RGS20: variants seen among roughly 807,000 people sequenced by gnomAD.
The protein encoded by RGS20 is gz-selective GTPase-activating protein.
Under a neutral mutation model 33.6 loss-of-function variants are expected in RGS20, and 30 were observed. The observed-to-expected ratio is 0.89, with a 90% CI of 0.67 to 1.21. The LOEUF (loss-of-function observed/expected upper bound fraction) is 1.21. RGS20 is among the 50% of genes most tolerant of loss of function. RGS20 has a pLI of 0.00. For missense variants in RGS20, 472 were observed against 502.4 expected, an observed-to-expected ratio of 0.94 and a Z score of 0.58; for synonymous variants, 208 against 197.9, an observed-to-expected ratio of 1.05 and a Z score of -0.43.
intron 2 of RGS20, among the ~76,000 whole-genome samples, chr8:53,886,353 T>A (rs1394258637): frequency 6.6e-6 from 1 of 152,222 alleles, no homozygotes; most frequent in African/African-American, 2.4e-5. Context: ...TATAAATTCA[T>A]GGAGTAGATT....
intron 2 of RGS20, among the ~76,000 whole-genome samples, chr8:53,907,663 C>T (rs921064168): frequency 1.9e-4 from 29 of 151,912 alleles, no homozygotes; most frequent in African/African-American, 6.0e-4. Context: ...TGAGGAGTGG[C>T]GGGGCAGGTA....
At chr8:53,946,237 G>C (rs986827317) in intron 3 of RGS20, among the ~76,000 whole-genome samples, 4 of 151,774 alleles carry the variant, frequency 2.6e-5, no homozygotes, top group Admixed American at 6.6e-5. Flanking sequence ...TTTAATTTTT[G>C]TATTAAATAG....
chr8:53,947,550 A>T (rs1449985425), intron 4 of RGS20, among the ~76,000 whole-genome samples: 1 of 135,208 alleles, frequency 7.4e-6, no homozygotes, highest in African/African-American at 2.6e-5. Context: ...ATATACATTT[A>T]TATATGCTAT....
At position 53,879,477 on chromosome 8, in the gene RGS20, C is replaced by A. The variant is rs1429370031; in HGVS notation, c.385C>A (p.Leu129Ile). The A allele has an allele frequency of 1.9e-6, 3 of 1,580,170 alleles. No individual in the cohort carries two copies. Among genetic ancestry groups the A allele is most frequent in the Admixed American group, 1.8e-5 (1 of 54,618 alleles). The stretch of plus-strand genomic sequence containing the variant: ...CGAGGAGCTGCCGGGCCGCCTCTCG[C>A]TCCTGCTCGGGGCGGCGCTGGCACT... The change falls in exon 2 of 6, where the codon CTC (leucine) becomes ATC (isoleucine). Residue 129 changes from leucine (L) to isoleucine (I), a missense_variant. Transcript: ENST00000297313.
intron 4 of RGS20, among the ~76,000 whole-genome samples, chr8:53,948,214 A>G (rs1176341139): frequency 2.2e-5 from 3 of 137,858 alleles, no homozygotes; most frequent in East Asian, 4.2e-4. Flanking sequence ...TATATATAAG[A>G]TAGTATATAT....
chr8:53,944,819 CAT>C (rs1464970700), intron 3 of RGS20, among the ~76,000 whole-genome samples: 1 of 152,168 alleles, frequency 6.6e-6, no homozygotes, highest in Non-Finnish European at 1.5e-5. Context: ...TCTGAACACA[CAT>C]CTCTCCAAAG....
At chr8:53,909,776 C>T (rs1813304531) in intron 2 of RGS20, among the ~76,000 whole-genome samples, 1 of 152,078 alleles carries the variant, frequency 6.6e-6, no homozygotes, top group Non-Finnish European at 1.5e-5. Flanking sequence ...TAATGATGAA[C>T]CATTTCTGAG....
chr8:53,865,996 C>T (rs1415781924), intron 1 of RGS20, among the ~76,000 whole-genome samples: 1 of 152,122 alleles, frequency 6.6e-6, no homozygotes, highest in Admixed American at 6.5e-5. Flanking sequence ...CAGACTATCA[C>T]AATACAGAGC....
chr8:53,935,999 A>G (rs1814119557), intron 2 of RGS20, among the ~76,000 whole-genome samples: 1 of 152,238 alleles, frequency 6.6e-6, no homozygotes, highest in Non-Finnish European at 1.5e-5. Context: ...GACGAAAACC[A>G]CATGATTATC....
chr8:53,867,153 C>G (rs1811939255), intron 1 of RGS20, among the ~76,000 whole-genome samples: 1 of 152,084 alleles, frequency 6.6e-6, no homozygotes, highest in Non-Finnish European at 1.5e-5. Context: ...CAACTGTCTC[C>G]CTTCATTTCA....
chr8:53,855,267 G>A (rs923128304), intron 1 of RGS20, among the ~76,000 whole-genome samples: 3 of 152,116 alleles, frequency 2.0e-5, no homozygotes, highest in Non-Finnish European at 2.9e-5. Flanking sequence ...GTTTCACCAT[G>A]TTGGTCAGGC....
chr8:53,874,880 G>A (rs1425757989), intron 1 of RGS20, among the ~76,000 whole-genome samples: 1 of 152,112 alleles, frequency 6.6e-6, no homozygotes, highest in Admixed American at 6.6e-5. Flanking sequence ...CATATTCCAA[G>A]GTACTAGGGA....
At position 53,889,723 on chromosome 8, in the gene RGS20, CTGTGTGTGTGTGTG is replaced by C. The variant is rs66766851; in HGVS notation, c.510+10142_510+10155del. Reference sequence around the variant, plus strand: ...TGGATACAAGCCATCTGTCAAAATTCTGTGTGTGTGTGTGTGTGTGTGTGTGTGTGTGTGCACGT... The same window carrying C: ...TGGATACAAGCCATCTGTCAAAATTCTGTGTGTGTGTGTGTGTGTGCACGT... On this transcript the variant is annotated intron_variant, in intron 2 of 5. Coordinates refer to ENST00000297313, the MANE Select transcript of RGS20 (RefSeq NM_170587.4). Among the ~76,000 whole-genome samples, 15 of 146,108 alleles carry C rather than the reference CTGTGTGTGTGTGTG, an allele frequency of 1.0e-4. No individual in the cohort carries two copies. In the South Asian group the frequency reaches 3.3e-3, roughly 32 times the overall value.
chr8:53,875,298 G>A (rs1294833219), intron 1 of RGS20, among the ~76,000 whole-genome samples: 1 of 151,770 alleles, frequency 6.6e-6, no homozygotes, highest in Non-Finnish European at 1.5e-5. Context: ...TGGGCATGGT[G>A]GCACATGCCT....
chr8:53,861,314 G>A (rs1811804988), intron 1 of RGS20, among the ~76,000 whole-genome samples: 1 of 152,214 alleles, frequency 6.6e-6, no homozygotes, highest in African/African-American at 2.4e-5. Context: ...AAGCTGTGAA[G>A]TTCTTGTGTG....
intron 1 of RGS20, among the ~76,000 whole-genome samples, chr8:53,854,420 A>G (rs1280655283): frequency 6.6e-6 from 1 of 152,234 alleles, no homozygotes; most frequent in Non-Finnish European, 1.5e-5. Context: ...AAAAGACATG[A>G]ACAGCCATTT....
intron 2 of RGS20, among the ~76,000 whole-genome samples, chr8:53,896,137 A>G (rs1469207802): frequency 6.6e-6 from 1 of 152,054 alleles, no homozygotes; most frequent in Non-Finnish European, 1.5e-5. Context: ...AAAATTAGCC[A>G]AGTGTGGTGG....
chr8:53,880,014 T>A (rs1243496646), intron 2 of RGS20: 4 of 183,788 alleles, frequency 2.2e-5, no homozygotes, highest in Non-Finnish European at 2.2e-5. Context: ...AGGGAGGAAA[T>A]GACGTGATGT....
At chr8:53,906,887 T>A (rs2129282415) in intron 2 of RGS20, among the ~76,000 whole-genome samples, 1 of 152,252 alleles carries the variant, frequency 6.6e-6, no homozygotes, top group African/African-American at 2.4e-5. Context: ...CCCAGTGCAA[T>A]GCAAGGGGAA....
Sources: gnomAD v4.1 joint callset for allele counts (sites outside exome capture counted in the v4.1 genomes callset) on GRCh38, gnomAD v4.1.1 for gene constraint, MANE v1.5 for transcripts, NCBI Gene and HGNC (gene_info 2026-07-23, HGNC 2026-07-21) for gene names.